The following NAF1 variants were observed in gnomAD, a reference collection of about 807,000 sequenced individuals.
The protein encoded by NAF1 is H/ACA ribonucleoprotein complex non-core subunit NAF1.
Under a neutral mutation model 40.6 loss-of-function variants are expected in NAF1, and 11 were observed. The observed-to-expected ratio is 0.27, with a 90% CI of 0.17 to 0.45. The LOEUF (loss-of-function observed/expected upper bound fraction) is 0.45, where lower values mean the gene tolerates loss of function less well. Ranked by LOEUF, NAF1 falls within the 20% of genes least tolerant of loss-of-function variation. The pLI, the probability that NAF1 is intolerant of heterozygous loss-of-function variation, is 1.00. For synonymous variants in NAF1, 260 were observed against 228.5 expected (o/e 1.14, Z -1.24); for missense variants, 607 against 611.1 (o/e 0.99, Z 0.07).
At chr4:163,146,947 A>G (rs1731495379) in intron 3 of NAF1, among the ~76,000 whole-genome samples, 2 of 152,194 alleles carry the variant, frequency 1.3e-5, no homozygotes, top group African/African-American at 4.8e-5. Flanking sequence ...CAGAGTTTAC[A>G]TTTATTTTTT....
At chr4:163,145,649 C>T (rs139815284) in intron 4 of NAF1, 133 bp downstream of exon 4, 18 of 614,864 alleles carry the variant, frequency 2.9e-5, no homozygotes, top group African/African-American at 3.8e-5. Context: ...AAATCAAGAA[C>T]GTACTGAAAT....
intron 4 of NAF1, among the ~76,000 whole-genome samples, chr4:163,145,297 C>T (rs1234015339): frequency 6.6e-6 from 1 of 152,154 alleles, no homozygotes; most frequent in East Asian, 1.9e-4. Context: ...CCTACAGTGA[C>T]AATTCATTGC....
intron 2 of NAF1, among the ~76,000 whole-genome samples, chr4:163,113,368 C>T (rs1353149338): frequency 6.7e-6 from 1 of 150,088 alleles, no homozygotes; most frequent in Non-Finnish European, 1.5e-5. Flanking sequence ...TATGGTAATC[C>T]CTTGTTTTTA....
At chr4:163,151,771 G>C (rs916335282) in intron 2 of NAF1, among the ~76,000 whole-genome samples, 2 of 151,770 alleles carry the variant, frequency 1.3e-5, no homozygotes, top group Non-Finnish European at 2.9e-5. Context: ...TGTCATATTA[G>C]TGTTATCAGT....
At chr4:163,112,206 AGAG>A (rs1730181569) in intron 2 of NAF1, among the ~76,000 whole-genome samples, 1 of 152,198 alleles carries the variant, frequency 6.6e-6, no homozygotes, top group Non-Finnish European at 1.5e-5. Context: ...AAAAATTGCT[AGAG>A]TTCTCTCTCT....
chr4:163,148,581 C>CAG (rs1157447985), intron 2 of NAF1, 147 bp from the exon 3 acceptor site: 24 of 562,256 alleles, frequency 4.3e-5, no homozygotes, highest in Non-Finnish European at 5.8e-5. Context: ...TTAGTGGTTG[C>CAG]AGACTTGTGA....
At chr4:163,124,605 T>C (rs1412820397), downstream of NAF1, among the ~76,000 whole-genome samples, 1 of 152,242 alleles carries the variant, frequency 6.6e-6, no homozygotes, top group Admixed American at 6.5e-5. Flanking sequence ...TTTTATTTTT[T>C]CTATATGTTT....
chr4:163,106,871 T>G (rs1319669817), downstream of NAF1, among the ~76,000 whole-genome samples: 1 of 152,220 alleles, frequency 6.6e-6, no homozygotes, highest in Non-Finnish European at 1.5e-5. Context: ...CACTTCAATT[T>G]ATAGTACCAC....
chr4:163,143,737 G>A (rs1304383387), intron 4 of NAF1, among the ~76,000 whole-genome samples: 1 of 152,172 alleles, frequency 6.6e-6, no homozygotes, highest in African/African-American at 2.4e-5. Context: ...CCTGGGAACA[G>A]CCTTCAAACA....
intron 2 of NAF1, among the ~76,000 whole-genome samples, chr4:163,113,716 A>G (rs185354238): frequency 6.6e-6 from 1 of 152,348 alleles, no homozygotes; most frequent in Non-Finnish European, 1.5e-5. Flanking sequence ...CGTATCCTCC[A>G]GTACACTTAG....
At chr4:163,146,268 A>T (rs1731466315) in intron 3 of NAF1, among the ~76,000 whole-genome samples, 1 of 152,212 alleles carries the variant, frequency 6.6e-6, no homozygotes, top group Admixed American at 6.5e-5. Context: ...CTTTTCTACA[A>T]AGCACTGTTT....
At chr4:163,164,732 T>TA (rs888631686) in intron 1 of NAF1, among the ~76,000 whole-genome samples, 12 of 152,090 alleles carry the variant, frequency 7.9e-5, no homozygotes, top group African/African-American at 2.4e-4. Context: ...GACAAACCAC[T>TA]AAAAAAAGGG....
At chr4:163,125,064 T>C (rs1730614638), downstream of NAF1, among the ~76,000 whole-genome samples, 1 of 152,230 alleles carries the variant, frequency 6.6e-6, no homozygotes, top group Non-Finnish European at 1.5e-5. Flanking sequence ...ACTATGCCCA[T>C]ATAATATAGT....
At chr4:163,143,039 C>T (rs1471437991) in intron 4 of NAF1, among the ~76,000 whole-genome samples, 1 of 152,128 alleles carries the variant, frequency 6.6e-6, no homozygotes, top group Non-Finnish European at 1.5e-5. Flanking sequence ...AAAGTAGCAC[C>T]TGAGACCTTT....
rs565519212 is a variant in NAF1 at position 163,158,073 on chromosome 4, G to A, written c.540+6144C>T. On this transcript the variant is annotated intron_variant, in intron 2 of 7. Coordinates refer to ENST00000274054, the MANE Select transcript of NAF1 (RefSeq NM_138386.3). Reference sequence around the variant, plus strand: ...TATGGAAAAAGGACAACAGAGGTTGGTGGGAGAAGGAATCAAACATTCCAA... The same window carrying A: ...TATGGAAAAAGGACAACAGAGGTTGATGGGAGAAGGAATCAAACATTCCAA... Among the ~76,000 whole-genome samples the A allele has an allele frequency of 2.9e-3, 440 of 152,224 alleles. 1 individual carries two copies. Among genetic ancestry groups the A allele is most frequent in the Non-Finnish European group, 4.7e-3 (318 of 67,942 alleles).
intron 2 of NAF1, chr4:163,156,990 A>C (rs1732011793): frequency 6.6e-6 from 1 of 152,156 alleles, no homozygotes; most frequent in African/African-American, 2.4e-5. Flanking sequence ...ATACTTCTAC[A>C]CATAACAAAG....
At chr4:163,140,586 A>C (rs1306356883) in intron 4 of NAF1, among the ~76,000 whole-genome samples, 2 of 152,220 alleles carry the variant, frequency 1.3e-5, no homozygotes, top group African/African-American at 4.8e-5. Flanking sequence ...GCACTCGCTC[A>C]TTCCAGATTT....
intron 2 of NAF1, among the ~76,000 whole-genome samples, chr4:163,150,511 C>T (rs1731656881): frequency 6.6e-6 from 1 of 152,078 alleles, no homozygotes; most frequent in African/African-American, 2.4e-5. Context: ...TGATCATACC[C>T]TGCATATCTT....
chr4:163,126,944 T>C (rs775718147), downstream of NAF1: 137 of 1,535,038 alleles, frequency 8.9e-5, no homozygotes, highest in Non-Finnish European at 1.2e-4. Flanking sequence ...TATTCTCCAA[T>C]TGAGATATGC....
Sources: allele counts gnomAD v4.1 joint callset (sites outside exome capture counted in the v4.1 genomes callset), GRCh38; gene constraint gnomAD v4.1.1; transcripts MANE v1.5; gene names NCBI Gene and HGNC (gene_info 2026-07-23, HGNC 2026-07-21).